PEAK1: variants seen among roughly 807,000 people sequenced by gnomAD.
The protein encoded by PEAK1 is inactive tyrosine-protein kinase PEAK1.
A neutral mutation model predicts 124.7 loss-of-function variants in PEAK1; 54 were observed. The observed-to-expected ratio is 0.43, with a 90% confidence interval of 0.35 to 0.54. The LOEUF (loss-of-function observed/expected upper bound fraction) is 0.54, where lower values mean the gene tolerates loss of function less well. Among genes scored for constraint, PEAK1 ranks in the 20% least tolerant of loss-of-function variants. The probability of loss-of-function intolerance (pLI) is 0.01; values close to 1 mark genes in which losing one functional copy is unlikely to be tolerated. For missense variants in PEAK1, 2,046 were observed against 2,134.5 expected (o/e 0.96, Z 0.82); for synonymous variants, 719 against 760.0 (o/e 0.95, Z 0.89).
At chr15:77,130,276 C>T (rs1306183268) in intron 9 of PEAK1, among the ~76,000 whole-genome samples, 1 of 152,146 alleles carries the variant, frequency 6.6e-6, no homozygotes, top group Non-Finnish European at 1.5e-5. Context: ...GCAATAAGGG[C>T]CCAAGATAGA....
intron 7 of PEAK1, among the ~76,000 whole-genome samples, chr15:77,166,573 A>G (rs2056114414): frequency 6.6e-6 from 1 of 152,126 alleles, no homozygotes; most frequent in Non-Finnish European, 1.5e-5. Context: ...CCCGGGGGGG[A>G]ATCCCATCCC....
chr15:77,342,179 A>AC (rs2141343711), intron 2 of PEAK1, among the ~76,000 whole-genome samples: 1 of 150,994 alleles, frequency 6.6e-6, no homozygotes, highest in East Asian at 1.9e-4. Context: ...AAAAACACAC[A>AC]CACAACATAA....
intron 2 of PEAK1, among the ~76,000 whole-genome samples, chr15:77,361,720 C>T (rs377369647): frequency 6.6e-6 from 1 of 152,152 alleles, no homozygotes; most frequent in African/African-American, 2.4e-5. Flanking sequence ...AATTTCACTA[C>T]AGTGAATCTA....
chr15:77,339,345 C>T (rs957430080), intron 2 of PEAK1, among the ~76,000 whole-genome samples: 1 of 152,028 alleles, frequency 6.6e-6, no homozygotes, highest in Non-Finnish European at 1.5e-5. Context: ...CTCAAGCAAT[C>T]CACTGCCTTA....
At chr15:77,368,528 AAG>A (rs1382053718) in intron 1 of PEAK1, among the ~76,000 whole-genome samples, 2 of 151,906 alleles carry the variant, frequency 1.3e-5, no homozygotes, top group African/African-American at 4.8e-5. Context: ...AAAAAAAAAA[AAG>A]AGTTAAAAGT....
chr15:77,175,821 T>C (rs369138391), intron 7 of PEAK1, among the ~76,000 whole-genome samples: 1 of 152,106 alleles, frequency 6.6e-6, no homozygotes, highest in Non-Finnish European at 1.5e-5. Flanking sequence ...TATTGCGGCA[T>C]TATTCACAAT....
chr15:77,333,748 T>C, intron 2 of PEAK1: 1 of 955,996 alleles, frequency 1.0e-6, no homozygotes, highest in Non-Finnish European at 1.2e-6. Flanking sequence ...CTGTATTATT[T>C]TAGGACTCTA....
At chr15:77,308,917 G>C (rs1008126216) in intron 2 of PEAK1, among the ~76,000 whole-genome samples, 1 of 151,852 alleles carries the variant, frequency 6.6e-6, no homozygotes, top group Non-Finnish European at 1.5e-5. Context: ...AAAAGTTACT[G>C]TATACAATAC....
intron 6 of PEAK1, among the ~76,000 whole-genome samples, chr15:77,248,072 T>C (rs59835748): frequency 1.3e-5 from 2 of 152,282 alleles, no homozygotes; most frequent in East Asian, 1.9e-4. Flanking sequence ...TTTTGTTTTT[T>C]TTTGGTAGAG....
At chr15:77,337,816 T>C (rs1294876171) in intron 2 of PEAK1, 3 of 985,166 alleles carry the variant, frequency 3.0e-6, no homozygotes, top group Middle Eastern at 5.2e-4. Flanking sequence ...AACGCTACTT[T>C]AGCGTTTCAT....
chr15:77,348,506 T>C lies in PEAK1; in HGVS notation c.-603+16657A>G. Reference sequence around the variant, plus strand: ...ATGTAAACAATACTCAAGTTGAATATACAGGCCAAACTCCTTTATTTTACC... The same window carrying C: ...ATGTAAACAATACTCAAGTTGAATACACAGGCCAAACTCCTTTATTTTACC... On this transcript the variant is annotated intron_variant, in intron 2 of 9. Coordinates refer to ENST00000682557, the MANE Select transcript of PEAK1 (RefSeq NM_001385026.1). 4.2e-6 allele frequency: 4 copies of C among 962,448 alleles called. No individual in the cohort carries two copies. In the African/African-American group the frequency reaches 5.3e-5, roughly 13 times the overall value. 59.6% of individuals were successfully genotyped at this position (962,448 alleles called of 1,614,324 possible).
At chr15:77,116,577 C>A (rs1172790495) in intron 9 of PEAK1, among the ~76,000 whole-genome samples, 2 of 151,296 alleles carry the variant, frequency 1.3e-5, no homozygotes, top group Non-Finnish European at 2.9e-5. Context: ...AAAAAAAGAT[C>A]AAAGACAAGG....
chr15:77,258,902 C>G (rs1432179661), intron 5 of PEAK1, among the ~76,000 whole-genome samples: 1 of 152,154 alleles, frequency 6.6e-6, no homozygotes, highest in Non-Finnish European at 1.5e-5. Flanking sequence ...TACGTCCCAT[C>G]AATACCTAAT....
chr15:77,341,954 AC>A (rs1329460557), intron 2 of PEAK1, among the ~76,000 whole-genome samples: 1 of 152,130 alleles, frequency 6.6e-6, no homozygotes, highest in African/African-American at 2.4e-5. Context: ...ATTTTTTAGA[AC>A]AGTTTTAGAT....
chr15:77,317,155 C>T (rs966354465), intron 2 of PEAK1, among the ~76,000 whole-genome samples: 1 of 151,940 alleles, frequency 6.6e-6, no homozygotes, highest in Admixed American at 6.6e-5. Flanking sequence ...ATAACAAAAG[C>T]TTACTATGTG....
In PEAK1 at chr15:77,180,113, G is replaced by A; in HGVS notation, c.1814C>T (p.Pro605Leu). Residue 605 changes from proline (P) to leucine (L), a missense_variant, in exon 7 of 10, where the codon CCT becomes CTT. Physicochemically the swap from Pro to Leu is moderately conservative, Grantham distance 98. Transcript: ENST00000682557. ...FNSYNNAGMP[P>L]FPIIIHDEPT... ...CTCGTCATGAATGATAATTGGAAAA[G>A]GTGGCATACCAGCATTGTTATAACT... The A allele has an allele frequency of 6.2e-7, 1 of 1,614,120 alleles. No homozygotes were observed.
chr15:77,264,837 C>G (rs1319084695), intron 5 of PEAK1, among the ~76,000 whole-genome samples: 2 of 151,878 alleles, frequency 1.3e-5, no homozygotes, highest in African/African-American at 4.8e-5. Context: ...AGGCATCACA[C>G]TACCTGACTT....
chr15:77,214,925 C>G (rs1188726052), intron 6 of PEAK1, among the ~76,000 whole-genome samples: 1 of 152,084 alleles, frequency 6.6e-6, no homozygotes, highest in East Asian at 1.9e-4. Context: ...TACAATTCGA[C>G]AAGAGAATTG....
chr15:77,216,338 A>G (rs1432640451), intron 6 of PEAK1, among the ~76,000 whole-genome samples: 1 of 152,318 alleles, frequency 6.6e-6, no homozygotes, highest in South Asian at 2.1e-4. Context: ...CACCAAATAA[A>G]CTCATACTAA....
Sources: allele counts gnomAD v4.1 joint callset (sites outside exome capture counted in the v4.1 genomes callset), GRCh38; gene constraint gnomAD v4.1.1; transcripts MANE v1.5; gene names NCBI Gene and HGNC (gene_info 2026-07-23, HGNC 2026-07-21).